Variants in LHFPL3 observed in about 807,000 individuals in gnomAD.
The protein encoded by LHFPL3 is LHFPL tetraspan subfamily member 3, also known as LHFPL tetraspan subfamily member 3 protein.
A neutral mutation model predicts 19.3 loss-of-function variants in LHFPL3; 5 were observed. That is an observed-to-expected ratio of 0.26 (90% confidence interval 0.14 to 0.54). LHFPL3 has a LOEUF of 0.54. LHFPL3 is among the 20% of genes least tolerant of loss of function. LHFPL3 has a pLI of 0.94. For missense variants in LHFPL3, 249 were observed against 307.4 expected (o/e 0.81, Z 1.42); for synonymous variants, 133 against 126.2 (o/e 1.05, Z -0.36).
chr7:104,829,754 A>G (rs1790911425), intron 2 of LHFPL3, among the ~76,000 whole-genome samples: 1 of 151,944 alleles, frequency 6.6e-6, no homozygotes, highest in Non-Finnish European at 1.5e-5. Flanking sequence ...GGTTGGTTCC[A>G]AGTCTTTGCT....
At chr7:104,570,743 C>T (rs4730022) in intron 1 of LHFPL3, among the ~76,000 whole-genome samples, 51,495 of 151,848 alleles carry the variant, frequency 0.34, 9,001 homozygotes, top group Middle Eastern at 0.43. Flanking sequence ...CGTAGGTAAA[C>T]TCATATCACG....
intron 1 of LHFPL3, among the ~76,000 whole-genome samples, chr7:104,569,620 T>G (rs1021125539): frequency 6.6e-6 from 1 of 152,194 alleles, no homozygotes; most frequent in Non-Finnish European, 1.5e-5. Context: ...TTTTCAATGA[T>G]CTCTTAATAA....
At chr7:104,758,631 G>T (rs1934847332) in intron 2 of LHFPL3, among the ~76,000 whole-genome samples, 2 of 152,138 alleles carry the variant, frequency 1.3e-5, no homozygotes, top group Admixed American at 6.6e-5. Flanking sequence ...TGAAGTGAAA[G>T]AATGATATTA....
chr7:104,745,537 T>C, intron 2 of LHFPL3, among the ~76,000 whole-genome samples: 1 of 145,228 alleles, frequency 6.9e-6, no homozygotes, highest in East Asian at 2.2e-4. Flanking sequence ...CAAGAACCAA[T>C]GCAATAACAG....
rs551430920 is a variant in LHFPL3, at chr7:104,344,020, G to C, written c.445+14796G>C. On this transcript the variant is annotated intron_variant, in intron 1 of 2. Transcript: ENST00000424859. ...TTTTTATTTTTGCAAATACTAATTAGATTAAAGGAGCTCCCTTATATTCCT... is the reference window on the plus strand; with the variant it reads ...TTTTTATTTTTGCAAATACTAATTACATTAAAGGAGCTCCCTTATATTCCT... Among the ~76,000 whole-genome samples the C allele has an allele frequency of 6.6e-5, 10 of 151,984 alleles. No individual in the cohort carries two copies. The South Asian group carries it at 8.3e-4, about 13-fold the overall frequency.
intron 1 of LHFPL3, among the ~76,000 whole-genome samples, chr7:104,509,498 T>G (rs1050516903): frequency 6.6e-6 from 1 of 151,978 alleles, no homozygotes; most frequent in African/African-American, 2.4e-5. Flanking sequence ...ATTGTATCAA[T>G]AGCTATAGAA....
chr7:104,424,070 C>T (rs541717593), intron 1 of LHFPL3, among the ~76,000 whole-genome samples: 2 of 152,220 alleles, frequency 1.3e-5, no homozygotes, highest in African/African-American at 2.4e-5. Context: ...TCGTATCACT[C>T]GACTAGTGCT....
chr7:104,667,754 G>A lies in LHFPL3; in HGVS notation c.446-68921G>A, dbSNP rs548135316. The stretch of plus-strand genomic sequence containing the variant: ...AAAGCTTTCCCTCTGCCAACATGGC[G>A]GCCTCAGCAAAAAAGAAGAATAAGA... On this transcript the variant is annotated intron_variant, in intron 1 of 2. Coordinates refer to ENST00000424859, the MANE Select transcript of LHFPL3 (RefSeq NM_199000.3). 22 of 1,582,040 alleles carry A rather than the reference G, an allele frequency of 1.4e-5. No individual in the cohort carries two copies. The African/African-American group carries it at 2.2e-4, about 15-fold the overall frequency.
intron 1 of LHFPL3, among the ~76,000 whole-genome samples, chr7:104,522,351 C>T (rs1562924646): frequency 7.8e-6 from 1 of 127,648 alleles, no homozygotes; most frequent in Non-Finnish European, 1.5e-5. Context: ...AACACATGGA[C>T]ATAGGAAGGG....
chr7:104,656,978 T>G (rs1792132756), intron 1 of LHFPL3, among the ~76,000 whole-genome samples: 1 of 152,238 alleles, frequency 6.6e-6, no homozygotes, highest in Non-Finnish European at 1.5e-5. Flanking sequence ...CATGCCTAGC[T>G]GGAAAGAAGG....
In LHFPL3 at chr7:104,419,094, T is replaced by G. The variant is rs145154132; in HGVS notation, c.445+89870T>G. Reference sequence around the variant, plus strand: ...ATGTGAGAATATTGTCTAAATTGTCTAAATAAAACCAGCAGATCTAATTTG... The same window carrying G: ...ATGTGAGAATATTGTCTAAATTGTCGAAATAAAACCAGCAGATCTAATTTG... On this transcript the variant is annotated intron_variant, in intron 1 of 2. Coordinates refer to ENST00000424859, the MANE Select transcript of LHFPL3 (RefSeq NM_199000.3). 9.0e-3 allele frequency among the ~76,000 whole-genome samples: 1,373 copies of G among 152,318 alleles called. 8 individuals are homozygous for G. The highest frequency in any genetic ancestry group is 0.024 in the African/African-American group (995 of 41,562).
intron 2 of LHFPL3, among the ~76,000 whole-genome samples, chr7:104,872,594 G>A (rs995475437): frequency 2.6e-5 from 4 of 151,208 alleles, no homozygotes; most frequent in African/African-American, 7.3e-5. Flanking sequence ...GCAGTGAGCC[G>A]AGATCACACC....
chr7:104,409,046 T>G (rs1791481535), intron 1 of LHFPL3, among the ~76,000 whole-genome samples: 1 of 149,902 alleles, frequency 6.7e-6, no homozygotes, highest in South Asian at 2.1e-4. Flanking sequence ...TTTTTTTTTT[T>G]TTTGTATTTT....
chr7:104,584,733 C>T (rs1584418127), intron 1 of LHFPL3, among the ~76,000 whole-genome samples: 1 of 152,104 alleles, frequency 6.6e-6, no homozygotes, highest in African/African-American at 2.4e-5. Flanking sequence ...CATAGTGCCA[C>T]TTCAAGGAAG....
chr7:104,614,085 T>G (rs1220248718), intron 1 of LHFPL3, among the ~76,000 whole-genome samples: 1 of 152,136 alleles, frequency 6.6e-6, no homozygotes, highest in African/African-American at 2.4e-5. Flanking sequence ...ACTGGCAGAT[T>G]CACATTTCAA....
chr7:104,472,938 G>A (rs1792939456), intron 1 of LHFPL3, among the ~76,000 whole-genome samples: 1 of 152,136 alleles, frequency 6.6e-6, no homozygotes, highest in South Asian at 2.1e-4. Flanking sequence ...AAAATTTCAT[G>A]TGACATTACA....
chr7:104,662,731 C>A (rs1792256479), intron 1 of LHFPL3, among the ~76,000 whole-genome samples: 1 of 152,184 alleles, frequency 6.6e-6, no homozygotes, highest in African/African-American at 2.4e-5. Context: ...CTTATCTTGG[C>A]TCCTGGAGTT....
At chr7:104,621,461 G>A (rs958782840) in intron 1 of LHFPL3, among the ~76,000 whole-genome samples, 2 of 152,188 alleles carry the variant, frequency 1.3e-5, no homozygotes, top group Non-Finnish European at 2.9e-5. Context: ...ATACTGAAAG[G>A]TGCAGCTGGT....
rs192632612 is a variant in LHFPL3, at chr7:104,839,416, C to T, written c.683-66771C>T. 1.3e-3 allele frequency among the ~76,000 whole-genome samples: 203 copies of T among 152,264 alleles called. 1 individual carries two copies. Among genetic ancestry groups the T allele is most frequent in the African/African-American group, 4.6e-3 (193 of 41,556 alleles). On this transcript the variant is annotated intron_variant, in intron 2 of 2. Transcript: ENST00000424859. Reference sequence around the variant, plus strand: ...GCGTGGTGGCTCATGCCTGTAATCTCAGCATATTCGGAGGCCGAGGCAGGC... The same window carrying T: ...GCGTGGTGGCTCATGCCTGTAATCTTAGCATATTCGGAGGCCGAGGCAGGC...
Sources: allele counts gnomAD v4.1 joint callset (sites outside exome capture counted in the v4.1 genomes callset), GRCh38; gene constraint gnomAD v4.1.1; transcripts MANE v1.5; gene names NCBI Gene and HGNC (gene_info 2026-07-23, HGNC 2026-07-21).